ZP3: variants seen among roughly 807,000 people sequenced by gnomAD.
The protein encoded by ZP3 is zona pellucida sperm-binding protein 3.
Under a neutral mutation model 35.6 loss-of-function variants are expected in ZP3, and 21 were observed. The ratio of observed to expected loss-of-function variants is 0.59; its 90% CI spans 0.42 to 0.85. The LOEUF is 0.85. Among genes scored for constraint, ZP3 ranks in the 40% least tolerant of loss-of-function variants. The pLI is 0.00. For synonymous variants in ZP3, 207 were observed against 214.5 expected (o/e 0.96, Z 0.31); for missense variants, 437 against 536.5 (o/e 0.81, Z 1.83).
At position 76,433,542 on chromosome 7, in the gene ZP3, A is replaced by G. The variant is rs772646403; in HGVS notation, c.608A>G (p.His203Arg). 8.1e-6 allele frequency: 13 copies of G among 1,614,022 alleles called. No homozygotes were observed. The African/African-American group carries it at 1.6e-4, about 20-fold the overall frequency. ...GCAGCCCACCTCCAGGCAGAAATCC[A>G]CACTGGCAGCCACGTGCCACTGCGG... is the stretch of plus-strand genomic sequence containing the variant. ...GDAAHLQAEI[H>R]TGSHVPLRLF... Residue 203 changes from histidine (H) to arginine (R), a missense_variant, in exon 4 of 8, where the codon CAC becomes CGC. His to Arg is a conservative substitution (Grantham distance 29). Coordinates refer to ENST00000394857, the MANE Select transcript of ZP3 (RefSeq NM_001110354.2).
At chr7:76,437,572 C>T (rs1467628757) in intron 5 of ZP3, among the ~76,000 whole-genome samples, 2 of 151,498 alleles carry the variant, frequency 1.3e-5, no homozygotes, top group Non-Finnish European at 2.9e-5. Flanking sequence ...TGCAACTTCC[C>T]ATCTCCCAGG....
chr7:76,413,468 T>C (rs1039257046), intron 1 of ZP3, among the ~76,000 whole-genome samples: 2 of 151,872 alleles, frequency 1.3e-5, no homozygotes, highest in Non-Finnish European at 2.9e-5. Context: ...GGTTTTGCCA[T>C]GTTGGCCAGG....
At chr7:76,397,667 G>T (rs772435658) in exon 1 of ZP3, 2 of 1,613,612 alleles carry the variant, frequency 1.2e-6, no homozygotes, top group Non-Finnish European at 1.7e-6. Context: ...GAAGGCGTTG[G>T]TGGTGGCGGC....
intron 1 of ZP3, among the ~76,000 whole-genome samples, chr7:76,412,703 G>A (rs554498787): frequency 3.9e-5 from 6 of 152,088 alleles, no homozygotes; most frequent in African/African-American, 1.4e-4. Context: ...TACAAAATTA[G>A]CCAGGGGTGG....
chr7:76,399,363 G>A (rs1804740863), intron 1 of ZP3, among the ~76,000 whole-genome samples: 1 of 152,146 alleles, frequency 6.6e-6, no homozygotes, highest in Non-Finnish European at 1.5e-5. Flanking sequence ...TGTTAGCGAT[G>A]CAGATTCTCA....
chr7:76,435,287 G>A (rs1039778402), intron 5 of ZP3, among the ~76,000 whole-genome samples: 2 of 152,266 alleles, frequency 1.3e-5, no homozygotes, highest in Admixed American at 6.5e-5. Context: ...CAAGTAGCTG[G>A]GAGTACAGGT....
chr7:76,417,513 C>T (rs1805405787), intron 1 of ZP3, among the ~76,000 whole-genome samples: 1 of 152,136 alleles, frequency 6.6e-6, no homozygotes, highest in Admixed American at 6.6e-5. Flanking sequence ...GTGTCTGGCA[C>T]ATTCTCAAAT....
At chr7:76,411,787 T>C (rs559078914) in intron 1 of ZP3, among the ~76,000 whole-genome samples, 61 of 152,278 alleles carry the variant, frequency 4.0e-4, no homozygotes, top group African/African-American at 1.1e-3. Flanking sequence ...CTAGCAATTG[T>C]ACTCCTGGGC....
intron 1 of ZP3, chr7:76,400,370 C>G: frequency 1.3e-6 from 2 of 1,587,250 alleles, no homozygotes; most frequent in Non-Finnish European, 1.7e-6. Context: ...AGCGCAGCTT[C>G]CTGCCCGCGG....
chr7:76,400,006 A>G (rs990054150), intron 1 of ZP3, among the ~76,000 whole-genome samples: 1 of 152,150 alleles, frequency 6.6e-6, no homozygotes, highest in African/African-American at 2.4e-5. Context: ...TCTCTAAAAA[A>G]ATTTTTTTTA....
At chr7:76,422,043 T>C (rs1333634901), upstream of ZP3, among the ~76,000 whole-genome samples, 5 of 152,206 alleles carry the variant, frequency 3.3e-5, no homozygotes, top group South Asian at 8.3e-4. Flanking sequence ...ATTACAGGCA[T>C]GTGCCACCAC....
Position 76,425,186 on chromosome 7 carries a change from C to T in ZP3, c.222C>T (p.Gly74=), listed in dbSNP as rs143341902. The T allele has an allele frequency of 2.1e-5, 34 of 1,613,990 alleles. No individual in the cohort carries two copies. In the African/African-American group the frequency reaches 4.5e-4, roughly 22 times the overall value. Residue 74 remains glycine, a synonymous_variant, in exon 1 of 8, where the codon GGC becomes GGT. Transcript: ENST00000394857. ...TCAGGGCTGCTGACCTCACCTTGGG[C>T]CCAGAGGCCTGTGAGCCTCTGGTCT... The part of the protein sequence containing the change: ...KLIRAADLTL[G]PEACEPLVSM...
chr7:76,433,900 T>A (rs951712724), intron 4 of ZP3, 138 bp from the exon 5 acceptor site: 16 of 883,634 alleles, frequency 1.8e-5, no homozygotes, highest in Non-Finnish European at 2.6e-5. Flanking sequence ...GGTTTCACCA[T>A]GTTTGCCAGG....
At chr7:76,416,816 C>CTCTA (rs548167165) in intron 1 of ZP3, among the ~76,000 whole-genome samples, 14,076 of 143,672 alleles carry the variant, frequency 0.098, 896 homozygotes, top group Middle Eastern at 0.15. Context: ...CTCTCTCTCT[C>CTCTA]TATATATATA....
At chr7:76,428,666 A>C (rs1805741867) in intron 1 of ZP3, 1 of 152,358 alleles carries the variant, frequency 6.6e-6, no homozygotes, top group African/African-American at 2.4e-5. Context: ...TTAGAAGCTG[A>C]TGTGGGTTGT....
At chr7:76,402,706 G>A (rs1166655507) in intron 1 of ZP3, among the ~76,000 whole-genome samples, 1 of 151,960 alleles carries the variant, frequency 6.6e-6, no homozygotes, top group Non-Finnish European at 1.5e-5. Flanking sequence ...TTTCGCTCTT[G>A]TTGCCCAGGC....
At chr7:76,412,408 G>T (rs756320032) in intron 1 of ZP3, among the ~76,000 whole-genome samples, 26 of 152,152 alleles carry the variant, frequency 1.7e-4, no homozygotes, top group Non-Finnish European at 2.5e-4. Context: ...GAGGGCAAGA[G>T]TGGGTGTGAT....
At chr7:76,424,078 T>C (rs1805584877), upstream of ZP3, among the ~76,000 whole-genome samples, 1 of 152,096 alleles carries the variant, frequency 6.6e-6, no homozygotes, top group East Asian at 1.9e-4. Context: ...TCCTAATTGA[T>C]ACCGCCTCCT....
chr7:76,427,262 A>C (rs1417636131), intron 1 of ZP3, among the ~76,000 whole-genome samples: 1 of 152,116 alleles, frequency 6.6e-6, no homozygotes. Context: ...CACGCCTGTA[A>C]TCCCAGCACT....
Sources: allele counts gnomAD v4.1 joint callset (sites outside exome capture counted in the v4.1 genomes callset), GRCh38; gene constraint gnomAD v4.1.1; transcripts MANE v1.5; gene names NCBI Gene and HGNC (gene_info 2026-07-23, HGNC 2026-07-21).